LRRC7: variants seen among roughly 807,000 people sequenced by gnomAD.
The protein encoded by LRRC7 is leucine-rich repeat-containing protein 7.
Under a neutral mutation model 175.7 loss-of-function variants are expected in LRRC7, and 23 were observed. That is an observed-to-expected ratio of 0.13 (90% CI 0.09 to 0.19). The LOEUF is 0.19. Among genes scored for constraint, LRRC7 ranks in the 10% least tolerant of loss-of-function variants. The pLI, the probability that LRRC7 is intolerant of heterozygous loss-of-function variation, is 1.00. For synonymous variants in LRRC7, 685 were observed against 680.9 expected, an observed-to-expected ratio of 1.01 and a Z score of -0.09; for missense variants, 1,354 against 1,904.7, an observed-to-expected ratio of 0.71 and a Z score of 5.38.
chr1:69,928,043 G>C (rs1647144431), intron 7 of LRRC7, among the ~76,000 whole-genome samples: 1 of 152,182 alleles, frequency 6.6e-6, no homozygotes, highest in Admixed American at 6.5e-5. Flanking sequence ...TCAGCTGCAG[G>C]TCTGTTGGAG....
chr1:70,135,172 A>G lies in LRRC7; in HGVS notation c.*13285A>G, dbSNP rs1425698986. 3.3e-5 allele frequency among the ~76,000 whole-genome samples: 5 copies of G among 151,732 alleles called. No individual in the cohort carries two copies. Among genetic ancestry groups the G allele is most frequent in the Non-Finnish European group, 5.9e-5 (4 of 67,940 alleles). On this transcript the variant is annotated 3_prime_UTR_variant, in exon 27 of 27. Transcript: ENST00000651989. ...TTTTGGTATCCACTATTAGCGAAGT[A>G]TTTTTTTCTTTGTCTTCTATGGATA...
At chr1:70,086,782 C>T (rs566963377) in intron 24 of LRRC7, among the ~76,000 whole-genome samples, 1 of 152,216 alleles carries the variant, frequency 6.6e-6, no homozygotes, top group African/African-American at 2.4e-5. Flanking sequence ...TAATGGTTCT[C>T]ATTAAATAAG....
At chr1:69,652,282 GT>G (rs1372984953) in intron 1 of LRRC7, among the ~76,000 whole-genome samples, 1 of 152,050 alleles carries the variant, frequency 6.6e-6, no homozygotes, top group Admixed American at 6.6e-5. Flanking sequence ...TAATATATCA[GT>G]TCAGCAAAGT....
At chr1:69,794,894 G>C (rs970650122) in intron 4 of LRRC7, among the ~76,000 whole-genome samples, 7 of 152,180 alleles carry the variant, frequency 4.6e-5, no homozygotes, top group Admixed American at 4.6e-4. Context: ...ATTACCTCGG[G>C]GCTTTTAGCT....
chr1:69,675,995 A>G (rs1470804911), intron 1 of LRRC7, among the ~76,000 whole-genome samples: 1 of 130,674 alleles, frequency 7.7e-6, no homozygotes, highest in Non-Finnish European at 1.6e-5. Flanking sequence ...AGGGATAGGC[A>G]TATGAGTGCA....
rs112404404 is a variant in LRRC7 at position 69,781,688 on chromosome 1, G to GAAAGAAAGA, written c.304-10353_304-10352insAGAAAGAAA. Among the ~76,000 whole-genome samples the GAAAGAAAGA allele has an allele frequency of 1.9e-3, 83 of 43,944 alleles. 16 individuals are homozygous for GAAAGAAAGA. The highest frequency in any genetic ancestry group is 0.027 in the Middle Eastern group (2 of 74). The allele number at this position is 43,944 out of a possible 152,430, so 28.8% of individuals were successfully genotyped here. Reference sequence around the variant, plus strand: ...CAGAGCAAGACTGTCTCAAAAAAAAGAAGAAAGAAAGAAAGAAAGAAAGAA... The same window carrying GAAAGAAAGA: ...CAGAGCAAGACTGTCTCAAAAAAAAGAAAGAAAGAAAGAAAGAAAGAAAGAAAGAAAGAA... On this transcript the variant is annotated intron_variant, in intron 3 of 26. Coordinates refer to ENST00000651989, the MANE Select transcript of LRRC7 (RefSeq NM_001370785.2).
rs193032909 is a variant in LRRC7, at chr1:69,570,478, G to C, written c.2+1837G>C. Among the ~76,000 whole-genome samples, 13 of 151,436 alleles carry C rather than the reference G, an allele frequency of 8.6e-5. No homozygotes were observed. The East Asian group carries it at 2.6e-3, about 30-fold the overall frequency. ...AGCCAGCCCCCTATTTTAAAATGAG[G>C]CATTTCCTCTGGGAGACGGTGGAAA... On this transcript the variant is annotated intron_variant, in intron 1 of 26. Transcript: ENST00000651989.
intron 23 of LRRC7, among the ~76,000 whole-genome samples, chr1:70,056,477 G>A (rs115869218): frequency 0.01 from 1,525 of 152,142 alleles, 17 homozygotes; most frequent in African/African-American, 0.035. Flanking sequence ...AATACTTAGC[G>A]TTTTATTTTC....
intron 7 of LRRC7, among the ~76,000 whole-genome samples, chr1:69,922,520 A>G (rs41440946): frequency 1.3e-5 from 2 of 152,178 alleles, no homozygotes; most frequent in South Asian, 4.1e-4. Flanking sequence ...AATACTGGGG[A>G]CAACACCTTT....
At chr1:69,766,396 A>G (rs1202909890) in intron 3 of LRRC7, among the ~76,000 whole-genome samples, 1 of 152,190 alleles carries the variant, frequency 6.6e-6, no homozygotes, top group Admixed American at 6.6e-5. Context: ...AAGACATTTG[A>G]AATTTAAGGT....
intron 11 of LRRC7, among the ~76,000 whole-genome samples, chr1:69,998,047 G>T (rs1655171411): frequency 6.6e-6 from 1 of 152,214 alleles, no homozygotes; most frequent in African/African-American, 2.4e-5. Flanking sequence ...CTTTTTGGTT[G>T]ATAAGCTATT....
At chr1:69,841,770 TCCAAACCAGAATGCTGAGCTATG>T (rs1230430732) in intron 7 of LRRC7, among the ~76,000 whole-genome samples, 2,894 of 152,210 alleles carry the variant, frequency 0.019, 88 homozygotes, top group African/African-American at 0.067. Context: ...TGGTAGACAT[TCCAAACCAGAATGCTGAGCTATG>T]GATTCACAAT....
chr1:69,826,467 G>A (rs984027408), intron 5 of LRRC7, among the ~76,000 whole-genome samples: 10 of 152,120 alleles, frequency 6.6e-5, no homozygotes, highest in Non-Finnish European at 8.8e-5. Context: ...AGTGACAGAA[G>A]TCTGTGGAAT....
chr1:69,568,463 C>T lies in LRRC7; in HGVS notation c.-177C>T, dbSNP rs895135499. On this transcript the variant is annotated 5_prime_UTR_variant, in exon 1 of 27. Coordinates refer to ENST00000651989, the MANE Select transcript of LRRC7 (RefSeq NM_001370785.2). Reference sequence around the variant, plus strand: ...ACTGGCATCATGGTCTAACGTGGCACCTTCCTGGATTCCCCTCTATCTCCT... The same window carrying T: ...ACTGGCATCATGGTCTAACGTGGCATCTTCCTGGATTCCCCTCTATCTCCT... 2 of 396,278 alleles carry T rather than the reference C, an allele frequency of 5.0e-6. No individual in the cohort carries two copies. Among genetic ancestry groups the T allele is most frequent in the Non-Finnish European group, 9.0e-6 (2 of 221,526 alleles). 24.5% of individuals were successfully genotyped at this position (396,278 alleles called of 1,614,324 possible).
At chr1:69,605,643 T>G (rs1647424077) in intron 1 of LRRC7, among the ~76,000 whole-genome samples, 1 of 152,180 alleles carries the variant, frequency 6.6e-6, no homozygotes, top group South Asian at 2.1e-4. Flanking sequence ...TTTGATTACA[T>G]GTAGAAAATC....
In LRRC7 at chr1:69,806,215, A is replaced by T. The variant is rs535459765; in HGVS notation, c.421+14055A>T. 3.2e-4 allele frequency among the ~76,000 whole-genome samples: 48 copies of T among 152,104 alleles called. No homozygotes were observed. The South Asian group carries it at 9.7e-3, about 31-fold the overall frequency. On this transcript the variant is annotated intron_variant, in intron 4 of 26. Transcript: ENST00000651989. ...AAGTGGTAAATTGATAAGGAAGGAA[A>T]AATTCATTTGTCGAGTATGAAGCAA... is the stretch of plus-strand genomic sequence containing the variant.
At chr1:69,774,272 C>T (rs1190212458) in intron 3 of LRRC7, among the ~76,000 whole-genome samples, 2 of 152,140 alleles carry the variant, frequency 1.3e-5, no homozygotes, top group African/African-American at 4.8e-5. Context: ...GTAGACCTAC[C>T]AATTTATCCG....
At chr1:70,047,972 TA>T (rs200952613) in intron 22 of LRRC7, among the ~76,000 whole-genome samples, 7 of 152,050 alleles carry the variant, frequency 4.6e-5, no homozygotes, top group Non-Finnish European at 8.8e-5. Context: ...ATTGATTTTT[TA>T]TTCATTCATT....
chr1:69,820,728 A>G (rs1679188788), intron 4 of LRRC7, among the ~76,000 whole-genome samples: 1 of 151,272 alleles, frequency 6.6e-6, no homozygotes, highest in South Asian at 2.1e-4. Flanking sequence ...TCCATGGTGT[A>G]TATGTGGCAC....
Sources: gnomAD v4.1 joint callset for allele counts (sites outside exome capture counted in the v4.1 genomes callset) on GRCh38, gnomAD v4.1.1 for gene constraint, MANE v1.5 for transcripts, NCBI Gene and HGNC (gene_info 2026-07-23, HGNC 2026-07-21) for gene names.